The following RORA variants were observed in gnomAD, a reference collection of about 807,000 sequenced individuals.
RORA encodes nuclear receptor ROR-alpha.
Under a neutral mutation model 69.5 loss-of-function variants are expected in RORA, and 7 were observed. That is an observed-to-expected ratio of 0.10 (90% CI 0.06 to 0.19). RORA has a LOEUF of 0.19. RORA is among the 10% of genes least tolerant of loss of function. The pLI is 1.00. For missense variants in RORA, 457 were observed against 663.0 expected, an observed-to-expected ratio of 0.69 and a Z score of 3.41; for synonymous variants, 261 against 240.8, an observed-to-expected ratio of 1.08 and a Z score of -0.78.
At chr15:60,752,235 C>T (rs2071734714) in intron 1 of RORA, among the ~76,000 whole-genome samples, 1 of 152,120 alleles carries the variant, frequency 6.6e-6, no homozygotes, top group Admixed American at 6.5e-5. Flanking sequence ...CCAACAAAAG[C>T]CCATTGACGC....
intron 1 of RORA, among the ~76,000 whole-genome samples, chr15:60,967,385 C>T (rs1024781691): frequency 6.6e-6 from 1 of 152,180 alleles, no homozygotes; most frequent in Non-Finnish European, 1.5e-5. Context: ...TGGGAATCAG[C>T]ATCAACAAAA....
chr15:60,892,496 C>T (rs552297874), intron 1 of RORA, among the ~76,000 whole-genome samples: 17 of 152,204 alleles, frequency 1.1e-4, no homozygotes, highest in African/African-American at 1.7e-4. Context: ...CAAAAGTCCC[C>T]GCCTTTATGC....
intron 1 of RORA, among the ~76,000 whole-genome samples, chr15:61,180,143 CAA>C (rs71456351): frequency 2.7e-3 from 99 of 36,668 alleles, no homozygotes; most frequent in African/African-American, 9.0e-3. Context: ...GACTCCATCT[CAA>C]AAAAAAAAAA....
chr15:61,205,848 C>T (rs775490588), intron 1 of RORA, among the ~76,000 whole-genome samples: 5 of 152,026 alleles, frequency 3.3e-5, no homozygotes, highest in Admixed American at 6.5e-5. Flanking sequence ...GGGGCTGTTA[C>T]GGAGACACAT....
At chr15:60,798,909 G>C (rs150216985) in intron 1 of RORA, among the ~76,000 whole-genome samples, 1 of 151,680 alleles carries the variant, frequency 6.6e-6, no homozygotes, top group East Asian at 1.9e-4. Context: ...GCTAACAAAG[G>C]CATCTAGTTA....
chr15:60,715,256 G>A (rs964759732), intron 1 of RORA, among the ~76,000 whole-genome samples: 2 of 152,206 alleles, frequency 1.3e-5, no homozygotes, highest in African/African-American at 4.8e-5. Flanking sequence ...AGGACATAGT[G>A]AGAAGCAAAG....
At chr15:61,074,161 C>T (rs571041323) in intron 1 of RORA, among the ~76,000 whole-genome samples, 1 of 152,316 alleles carries the variant, frequency 6.6e-6, no homozygotes, top group South Asian at 2.1e-4. Flanking sequence ...TGCCAACACA[C>T]TTTGATCTCA....
intron 1 of RORA, among the ~76,000 whole-genome samples, chr15:60,763,670 G>C (rs540497099): frequency 6.6e-6 from 1 of 152,112 alleles, no homozygotes; most frequent in African/African-American, 2.4e-5. Flanking sequence ...ATGCCAGGGG[G>C]GTAGCTCCCC....
intron 2 of RORA, among the ~76,000 whole-genome samples, chr15:60,624,472 A>G (rs2069509431): frequency 4.1e-5 from 1 of 24,234 alleles, no homozygotes; most frequent in South Asian, 1.2e-3. Flanking sequence ...CATTTGCTGC[A>G]TATATATATA....
intron 1 of RORA, among the ~76,000 whole-genome samples, chr15:60,977,638 C>A (rs1328893791): frequency 6.6e-6 from 1 of 152,130 alleles, no homozygotes; most frequent in African/African-American, 2.4e-5. Context: ...CATCCCCTGG[C>A]AACCACTAAT....
At chr15:60,974,212 T>C (rs74677486) in intron 1 of RORA, among the ~76,000 whole-genome samples, 3,710 of 152,304 alleles carry the variant, frequency 0.024, 75 homozygotes, top group Non-Finnish European at 0.038. Context: ...TTAACTCCAT[T>C]AGTCATCCCT....
At chr15:60,956,959 G>T (rs1427883561) in intron 1 of RORA, among the ~76,000 whole-genome samples, 1 of 152,210 alleles carries the variant, frequency 6.6e-6, no homozygotes, top group Non-Finnish European at 1.5e-5. Flanking sequence ...GCCAGATTCT[G>T]CATCTATGAA....
chr15:61,156,461 A>T (rs2079444005), intron 1 of RORA, among the ~76,000 whole-genome samples: 1 of 152,112 alleles, frequency 6.6e-6, no homozygotes, highest in Non-Finnish European at 1.5e-5. Context: ...TAGCTCCTGG[A>T]AGAGCCAGTT....
At chr15:60,835,404 G>A (rs912153686) in intron 1 of RORA, among the ~76,000 whole-genome samples, 3 of 152,134 alleles carry the variant, frequency 2.0e-5, no homozygotes, top group Non-Finnish European at 4.4e-5. Context: ...AAACGAAGAG[G>A]GTAAGCAAAA....
chr15:60,974,286 AG>A (rs1169220628), intron 1 of RORA, among the ~76,000 whole-genome samples: 1 of 152,188 alleles, frequency 6.6e-6, no homozygotes, highest in African/African-American at 2.4e-5. Flanking sequence ...GAGCTGTCAT[AG>A]GAAATATGAA....
intron 2 of RORA, among the ~76,000 whole-genome samples, chr15:60,587,102 G>C (rs866999156): frequency 4.6e-5 from 7 of 152,184 alleles, no homozygotes; most frequent in Non-Finnish European, 8.8e-5. Flanking sequence ...GGAACATATA[G>C]ATATATCTCT....
At chr15:60,705,341 T>G (rs998081281) in intron 1 of RORA, among the ~76,000 whole-genome samples, 1 of 152,202 alleles carries the variant, frequency 6.6e-6, no homozygotes, top group African/African-American at 2.4e-5. Context: ...GAAATTTCTG[T>G]GGACTGGAGT....
At chr15:60,781,038 G>A (rs1000176399) in intron 1 of RORA, among the ~76,000 whole-genome samples, 2 of 152,202 alleles carry the variant, frequency 1.3e-5, no homozygotes, top group Non-Finnish European at 2.9e-5. Flanking sequence ...GAGGACTTCA[G>A]TAACTTCTTG....
At chr15:60,655,320 G>T (rs2070204218) in intron 2 of RORA, among the ~76,000 whole-genome samples, 1 of 152,054 alleles carries the variant, frequency 6.6e-6, no homozygotes, top group South Asian at 2.1e-4. Context: ...GATATCCATG[G>T]CAAGGCCCCA....
Sources: allele counts gnomAD v4.1 joint callset (sites outside exome capture counted in the v4.1 genomes callset), GRCh38; gene constraint gnomAD v4.1.1; transcripts MANE v1.5; gene names NCBI Gene and HGNC (gene_info 2026-07-23, HGNC 2026-07-21).